SULT2B1: variants seen among roughly 807,000 people sequenced by gnomAD.
The protein encoded by SULT2B1 is sulfotransferase family 2B member 1.
In SULT2B1, 16 loss-of-function variants were observed where a neutral mutation model predicts 33.2. That is an observed-to-expected ratio of 0.48 (90% CI 0.33 to 0.73). SULT2B1 has a LOEUF of 0.73. Ranked by LOEUF, SULT2B1 falls within the 30% of genes least tolerant of loss-of-function variation. The pLI, the probability that SULT2B1 is intolerant of heterozygous loss-of-function variation, is 0.02. For missense variants in SULT2B1, 500 were observed against 506.0 expected, an observed-to-expected ratio of 0.99 and a Z score of 0.11; for synonymous variants, 186 against 200.5, an observed-to-expected ratio of 0.93 and a Z score of 0.61.
intron 1 of SULT2B1, among the ~76,000 whole-genome samples, chr19:48,573,666 C>T (rs3826827): frequency 2.6e-5 from 4 of 151,268 alleles, no homozygotes; most frequent in African/African-American, 7.3e-5. Flanking sequence ...TGGACTGTGG[C>T]GTTCATGGGG....
chr19:48,562,922 C>T (rs970059111), intron 1 of SULT2B1, among the ~76,000 whole-genome samples: 1 of 152,002 alleles, frequency 6.6e-6, no homozygotes, highest in Non-Finnish European at 1.5e-5. Flanking sequence ...TTAAGTGATC[C>T]GCCTGCCTTG....
intron 1 of SULT2B1, among the ~76,000 whole-genome samples, chr19:48,568,109 CA>C (rs1362209365): frequency 1.3e-5 from 2 of 151,800 alleles, no homozygotes; most frequent in Admixed American, 6.6e-5. Context: ...CCTGTCTCTA[CA>C]AAAAATTTAA....
chr19:48,559,211 G>C (rs543095433), intron 1 of SULT2B1, among the ~76,000 whole-genome samples: 2 of 152,234 alleles, frequency 1.3e-5, no homozygotes, highest in African/African-American at 4.8e-5. Context: ...TGAAGAGTGA[G>C]GGACAGGATG....
chr19:48,564,204 C>T (rs1463410559), intron 1 of SULT2B1, among the ~76,000 whole-genome samples: 2 of 150,980 alleles, frequency 1.3e-5, no homozygotes, highest in African/African-American at 4.9e-5. Flanking sequence ...CGAGATAGCA[C>T]CACTGCACTC....
At chr19:48,575,808 T>C (rs1475537828) in intron 1 of SULT2B1, 133 bp from the exon 2 acceptor site, 7 of 1,467,680 alleles carry the variant, frequency 4.8e-6, no homozygotes, top group Middle Eastern at 1.8e-4. Context: ...AGGGACAGTG[T>C]CACCACTTTA....
chr19:48,578,981 C>T (rs1043617243), intron 2 of SULT2B1, among the ~76,000 whole-genome samples: 2 of 152,046 alleles, frequency 1.3e-5, no homozygotes, highest in Non-Finnish European at 2.9e-5. Flanking sequence ...TCCCCTCCCC[C>T]CTGGGCCCTG....
chr19:48,588,926 G>A (rs1402094207), intron 3 of SULT2B1, among the ~76,000 whole-genome samples: 1 of 152,216 alleles, frequency 6.6e-6, no homozygotes, highest in South Asian at 2.1e-4. Context: ...GATGAGGTCC[G>A]GGTGGGGAGG....
In SULT2B1 at chr19:48,593,712, G is replaced by A. The variant is rs900724583; in HGVS notation, c.645+896G>A. 5.2e-4 allele frequency among the ~76,000 whole-genome samples: 78 copies of A among 149,848 alleles called. 5 individuals carry two copies. The highest frequency in any genetic ancestry group is 2.1e-4 in the East Asian group (1 of 4,706). On this transcript the variant is annotated intron_variant, in intron 5 of 6. Transcript: ENST00000201586. ...TGCAATGGCATGATCTCGGCTCACC[G>A]CAACCTCCAACTCCCACGTTCAAGC...
chr19:48,589,898 T>G (rs980561882), intron 3 of SULT2B1, among the ~76,000 whole-genome samples: 14 of 152,370 alleles, frequency 9.2e-5, no homozygotes, highest in African/African-American at 3.4e-4. Flanking sequence ...AGTTTCAGGC[T>G]GCAGTGAGCC....
At chr19:48,594,118 G>A (rs1026740809) in intron 5 of SULT2B1, among the ~76,000 whole-genome samples, 8 of 151,592 alleles carry the variant, frequency 5.3e-5, no homozygotes, top group Non-Finnish European at 8.8e-5. Flanking sequence ...AAAATTAGGC[G>A]GCCATGGTGG....
intron 1 of SULT2B1, among the ~76,000 whole-genome samples, chr19:48,557,132 C>G (rs985098133): frequency 1.3e-5 from 2 of 152,038 alleles, no homozygotes; most frequent in African/African-American, 4.8e-5. Flanking sequence ...GAATTTAATT[C>G]AGGATAGCAG....
chr19:48,556,512 G>A (rs556237667), intron 1 of SULT2B1, among the ~76,000 whole-genome samples: 1 of 152,174 alleles, frequency 6.6e-6, no homozygotes, highest in African/African-American at 2.4e-5. Flanking sequence ...GGGCAGCTGG[G>A]TCAGGAGAGG....
chr19:48,589,868 G>A (rs1213856748), intron 3 of SULT2B1, among the ~76,000 whole-genome samples: 2 of 152,374 alleles, frequency 1.3e-5, no homozygotes, highest in East Asian at 1.9e-4. Flanking sequence ...GCTGAGGTAG[G>A]AAGATCACTT....
At chr19:48,558,418 A>C (rs913638385) in intron 1 of SULT2B1, among the ~76,000 whole-genome samples, 10 of 152,122 alleles carry the variant, frequency 6.6e-5, no homozygotes, top group African/African-American at 2.4e-4. Context: ...CAGAGAAGCC[A>C]CGCCGGCCTT....
chr19:48,569,361 A>ATATAT (rs1306751025), intron 1 of SULT2B1, among the ~76,000 whole-genome samples: 7 of 9,966 alleles, frequency 7.0e-4, no homozygotes, highest in Admixed American at 1.9e-3. Context: ...AAAAAAAAAA[A>ATATAT]ACATATATAT....
At chr19:48,578,955 C>T (rs1173221591) in intron 2 of SULT2B1, among the ~76,000 whole-genome samples, 1 of 152,030 alleles carries the variant, frequency 6.6e-6, no homozygotes, top group African/African-American at 2.4e-5. Context: ...TAAGCCATCA[C>T]CTCCCAATCC....
chr19:48,598,365 G>A (rs548950690), intron 6 of SULT2B1, among the ~76,000 whole-genome samples: 2 of 152,096 alleles, frequency 1.3e-5, no homozygotes, highest in Admixed American at 6.6e-5. Context: ...GCCGAGGCAG[G>A]TGGACCACCT....
At chr19:48,597,000 C>A in intron 6 of SULT2B1, 81 bp downstream of exon 6, 1 of 1,385,386 alleles carries the variant, frequency 7.2e-7, no homozygotes, top group Non-Finnish European at 9.7e-7. Context: ...CCTCTCTGGG[C>A]CTCAGTTTCT....
chr19:48,591,646 T>C lies in SULT2B1; in HGVS notation c.461T>C (p.Val154Ala), dbSNP rs1568413294. The change falls in exon 4 of 7, where the codon GTC (valine) becomes GCC (alanine). Residue 154 changes from valine to alanine, a missense_variant. Val to Ala is a moderately conservative substitution (Grantham distance 64). Transcript: ENST00000201586. ...YMGRNPRDVV[V>A]SLYHYSKIAG... is the part of the protein sequence containing the mutation. ...GGCCGCAACCCCCGGGACGTTGTGG[T>C]CTCCCTCTATCATTACTCCAAGATC... 5 of 1,613,154 alleles carry C rather than the reference T, an allele frequency of 3.1e-6. No homozygotes were observed. The highest frequency in any genetic ancestry group is 4.2e-6 in the Non-Finnish European group (5 of 1,179,632).
Sources: allele counts gnomAD v4.1 joint callset (sites outside exome capture counted in the v4.1 genomes callset), GRCh38; gene constraint gnomAD v4.1.1; transcripts MANE v1.5; gene names NCBI Gene and HGNC (gene_info 2026-07-23, HGNC 2026-07-21).